The following TNS1 variants were observed in gnomAD, a reference collection of about 807,000 sequenced individuals.
The protein encoded by TNS1 is tensin 1, also known as tensin-1.
TNS1 carries 62 observed loss-of-function variants against 168.6 expected under a neutral mutation model. The ratio of observed to expected loss-of-function variants is 0.37; its 90% CI spans 0.30 to 0.45. The LOEUF is 0.45. Among genes scored for constraint, TNS1 ranks in the 20% least tolerant of loss-of-function variants. The pLI, the probability that TNS1 is intolerant of heterozygous loss-of-function variation, is 1.00. For synonymous variants in TNS1, 934 were observed against 933.2 expected, an observed-to-expected ratio of 1.00 and a Z score of -0.02; for missense variants, 2,240 against 2,339.4, an observed-to-expected ratio of 0.96 and a Z score of 0.88.
chr2:218,025,600 C>T (rs1958843755), intron 1 of TNS1, among the ~76,000 whole-genome samples: 2 of 152,136 alleles, frequency 1.3e-5, no homozygotes. Context: ...GGCCAGACCC[C>T]CCCACAGGCT....
chr2:217,977,105 A>G (rs1432180034), intron 3 of TNS1, among the ~76,000 whole-genome samples: 1 of 152,234 alleles, frequency 6.6e-6, no homozygotes, highest in African/African-American at 2.4e-5. Context: ...GACCCAAAGC[A>G]CTGTACAAAT....
chr2:218,021,727 G>A (rs1042814288), intron 1 of TNS1, among the ~76,000 whole-genome samples: 1 of 152,224 alleles, frequency 6.6e-6, no homozygotes, highest in African/African-American at 2.4e-5. Flanking sequence ...TAGGGGGAAG[G>A]CCTCAGGGCC....
chr2:217,850,415 G>C, intron 18 of TNS1: 9 of 985,342 alleles, frequency 9.1e-6, no homozygotes, highest in Non-Finnish European at 8.4e-6. Context: ...CTTGTCTGCA[G>C]ACAGCTCTGA....
chr2:217,855,912 A>T (rs1948076915), intron 18 of TNS1, among the ~76,000 whole-genome samples: 2 of 152,140 alleles, frequency 1.3e-5, no homozygotes, highest in South Asian at 4.1e-4. Flanking sequence ...GCAAAGGCTG[A>T]GCATGGTGGA....
At chr2:217,834,984 G>A in intron 21 of TNS1, 107 bp downstream of exon 21, 1 of 930,204 alleles carries the variant, frequency 1.1e-6, no homozygotes, top group Non-Finnish European at 1.6e-6. Flanking sequence ...GCCCCACCTG[G>A]GGCACTGTCA....
At chr2:217,868,576 T>C (rs904170635) in intron 18 of TNS1, among the ~76,000 whole-genome samples, 68 of 152,252 alleles carry the variant, frequency 4.5e-4, no homozygotes, top group Non-Finnish European at 5.4e-4. Context: ...TGCTTAGTAA[T>C]GACTTCCTGT....
intron 21 of TNS1, among the ~76,000 whole-genome samples, chr2:217,832,358 G>A (rs908285793): frequency 1.7e-4 from 26 of 152,220 alleles, no homozygotes; most frequent in Admixed American, 1.4e-3. Context: ...CCAAGAACCT[G>A]GCCAGATTCA....
At chr2:218,031,075 T>G (rs1351953168) in intron 1 of TNS1, among the ~76,000 whole-genome samples, 1 of 150,706 alleles carries the variant, frequency 6.6e-6, no homozygotes, top group Admixed American at 6.6e-5. Flanking sequence ...TGTATGTGTG[T>G]GTTTGTGAGT....
At chr2:217,937,220 G>C in intron 3 of TNS1, 1 of 360,642 alleles carries the variant, frequency 2.8e-6, no homozygotes, top group African/African-American at 2.1e-5. Context: ...CGTGTCTCCC[G>C]GTCTTTCCAG....
At chr2:217,952,188 C>T (rs1010406975) in intron 3 of TNS1, among the ~76,000 whole-genome samples, 13 of 152,242 alleles carry the variant, frequency 8.5e-5, no homozygotes, top group African/African-American at 2.4e-4. Flanking sequence ...TAACATGTGC[C>T]AAGCCCTGGT....
At chr2:217,955,549 G>T (rs191346068) in intron 3 of TNS1, among the ~76,000 whole-genome samples, 291 of 152,196 alleles carry the variant, frequency 1.9e-3, no homozygotes, top group Non-Finnish European at 3.1e-3. Context: ...TCCAAGCTGG[G>T]CCAACACACA....
At chr2:217,936,351 C>A (rs1398905681) in intron 3 of TNS1, among the ~76,000 whole-genome samples, 1 of 152,166 alleles carries the variant, frequency 6.6e-6, no homozygotes, top group African/African-American at 2.4e-5. Flanking sequence ...CATCCCAGGG[C>A]TGCGTGTGAA....
chr2:217,881,402 G>A (rs954363146), intron 17 of TNS1: 7 of 184,738 alleles, frequency 3.8e-5, no homozygotes, highest in Admixed American at 1.1e-4. Context: ...GGGGGTGGGG[G>A]GCAGGCTGCT....
intron 3 of TNS1, chr2:217,937,023 G>A: frequency 2.2e-6 from 1 of 456,880 alleles, no homozygotes; most frequent in Non-Finnish European, 4.4e-6. Context: ...GCCTGAAGAA[G>A]TCTTTGCCCC....
chr2:218,028,345 C>T (rs1958866635), intron 1 of TNS1, among the ~76,000 whole-genome samples: 1 of 152,182 alleles, frequency 6.6e-6, no homozygotes, highest in African/African-American at 2.4e-5. Flanking sequence ...AACAGCTCCA[C>T]CCCGTACAGC....
rs914463232 is a variant in TNS1, at chr2:217,815,080, C to G, written c.4643-82G>C. The G allele has an allele frequency of 6.0e-6, 7 of 1,158,170 alleles. No individual in the cohort carries two copies. The African/African-American group carries it at 9.1e-5, about 15-fold the overall frequency. The allele number at this position is 1,158,170 out of a possible 1,614,324, so 71.7% of individuals were successfully genotyped here. ...TACATCAAAGTCCTGGCCCCCAGTGCTTGTGAATTTGACCTTATTTGGAAA... is the reference window on the plus strand; with the variant it reads ...TACATCAAAGTCCTGGCCCCCAGTGGTTGTGAATTTGACCTTATTTGGAAA... On this transcript the variant is annotated intron_variant, in intron 24 of 32. Coordinates refer to ENST00000682258, the MANE Select transcript of TNS1 (RefSeq NM_001387777.1).
chr2:217,936,862 C>T (rs77385765), intron 3 of TNS1: 21,201 of 448,392 alleles, frequency 0.047, 1,502 homozygotes, highest in East Asian at 0.29. Flanking sequence ...TTCATACCCA[C>T]GCTAGCACTA....
chr2:217,886,779 C>G, intron 12 of TNS1, 133 bp from the exon 13 acceptor site: 1 of 704,486 alleles, frequency 1.4e-6, no homozygotes, highest in Non-Finnish European at 2.5e-6. Context: ...CATGGTCCCC[C>G]TCCCCAACCA....
At chr2:217,881,399 G>C (rs1950672430) in intron 17 of TNS1, 2 of 186,410 alleles carry the variant, frequency 1.1e-5, no homozygotes, top group Admixed American at 5.4e-5. Context: ...CCTGGGGGTG[G>C]GGGGCAGGCT....
Sources: allele counts gnomAD v4.1 joint callset (sites outside exome capture counted in the v4.1 genomes callset), GRCh38; gene constraint gnomAD v4.1.1; transcripts MANE v1.5; gene names NCBI Gene and HGNC (gene_info 2026-07-23, HGNC 2026-07-21).